Variants in LTBP1 observed in about 807,000 individuals in gnomAD.
LTBP1 encodes the protein latent transforming growth factor beta binding protein 1, also known as latent-transforming growth factor beta-binding protein 1.
Under a neutral mutation model 207.6 loss-of-function variants are expected in LTBP1, and 129 were observed. The observed-to-expected ratio is 0.62, with a 90% confidence interval of 0.54 to 0.72. The LOEUF is 0.72. Ranked by LOEUF, LTBP1 falls within the 30% of genes least tolerant of loss-of-function variation. The probability of loss-of-function intolerance (pLI) is 0.00; values close to 1 mark genes in which losing one functional copy is unlikely to be tolerated. For missense variants in LTBP1, 2,281 were observed against 2,217.2 expected (o/e 1.03, Z -0.58); for synonymous variants, 963 against 833.7 (o/e 1.16, Z -2.67).
chr2:33,184,210 G>A (rs1482208170), intron 5 of LTBP1, among the ~76,000 whole-genome samples: 1 of 152,040 alleles, frequency 6.6e-6, no homozygotes. Context: ...TGCCATCACT[G>A]GAGTAATCTT....
At chr2:33,309,280 C>CAAA (rs200196283) in intron 22 of LTBP1, among the ~76,000 whole-genome samples, 154 bp from the exon 23 acceptor site, 1 of 69,482 alleles carries the variant, frequency 1.4e-5, no homozygotes. Context: ...GACTCCGTCT[C>CAAA]AAAAAAAAAA....
chr2:33,277,813 T>TCTCTCTCTCTCTCTCTCTCTC (rs1558933843), intron 18 of LTBP1, among the ~76,000 whole-genome samples: 24 of 71,690 alleles, frequency 3.3e-4, no homozygotes, highest in Admixed American at 7.7e-4. Flanking sequence ...CTCTTTCTTT[T>TCTCTCTCTCTCTCTCTCTCTC]TTTCTTTCTT....
At chr2:33,017,321 G>C (rs1288763061) in intron 2 of LTBP1, among the ~76,000 whole-genome samples, 2 of 152,224 alleles carry the variant, frequency 1.3e-5, no homozygotes, top group Admixed American at 1.3e-4. Flanking sequence ...GAAACTTGCT[G>C]CTGGAAGACC....
At chr2:33,121,159 C>CTTTTTTTT (rs61065486) in intron 4 of LTBP1, among the ~76,000 whole-genome samples, 325 of 87,528 alleles carry the variant, frequency 3.7e-3, no homozygotes, top group Middle Eastern at 0.012. Flanking sequence ...TTTGTAAAGT[C>CTTTTTTTT]TTTTTTTTTT....
intron 23 of LTBP1, among the ~76,000 whole-genome samples, chr2:33,310,696 A>G (rs1429422450): frequency 6.6e-6 from 1 of 152,186 alleles, no homozygotes. Context: ...AAATTAAGTG[A>G]TTTCTCTCAC....
chr2:32,974,378 T>C (rs536249650), intron 2 of LTBP1, among the ~76,000 whole-genome samples: 6 of 152,356 alleles, frequency 3.9e-5, no homozygotes, highest in African/African-American at 1.4e-4. Flanking sequence ...GGAATTTGTA[T>C]GTCTTCTTTT....
At chr2:33,304,350 T>G (rs1355132245) in intron 22 of LTBP1, among the ~76,000 whole-genome samples, 3 of 152,226 alleles carry the variant, frequency 2.0e-5, no homozygotes, top group Non-Finnish European at 4.4e-5. Flanking sequence ...CATAATTAAC[T>G]AAACCGTGAC....
intron 2 of LTBP1, among the ~76,000 whole-genome samples, chr2:33,016,001 C>T (rs952254616): frequency 1.3e-5 from 2 of 152,170 alleles, no homozygotes; most frequent in Non-Finnish European, 2.9e-5. Context: ...CAGGCCCCAC[C>T]TCCAACTCTG....
chr2:33,292,352 G>T (rs1041251979), intron 19 of LTBP1, among the ~76,000 whole-genome samples: 1 of 152,170 alleles, frequency 6.6e-6, no homozygotes, highest in African/African-American at 2.4e-5. Flanking sequence ...GCCTGTGACA[G>T]AAACTTACAG....
intron 32 of LTBP1, among the ~76,000 whole-genome samples, chr2:33,391,965 C>T (rs1382110521): frequency 6.6e-6 from 1 of 152,188 alleles, no homozygotes. Flanking sequence ...TTTCCCCCTT[C>T]CCAGCCAGTT....
chr2:33,264,575 A>C (rs562605779), intron 15 of LTBP1, among the ~76,000 whole-genome samples: 1 of 152,344 alleles, frequency 6.6e-6, no homozygotes, highest in Admixed American at 6.5e-5. Context: ...AAATGGAAAA[A>C]TAATATAATC....
intron 8 of LTBP1, 67 bp from the exon 9 acceptor site, chr2:33,222,013 A>G: frequency 1.8e-6 from 2 of 1,136,780 alleles, no homozygotes; most frequent in Non-Finnish European, 1.3e-6. Flanking sequence ...ATGGCTTCAG[A>G]TATCACTTAC....
chr2:33,374,673 G>A (rs559024682), intron 31 of LTBP1, among the ~76,000 whole-genome samples: 1 of 152,292 alleles, frequency 6.6e-6, no homozygotes, highest in African/African-American at 2.4e-5. Flanking sequence ...AAGGACTCTT[G>A]GCCCGGCACA....
chr2:33,226,975 T>C (rs1380246627), intron 9 of LTBP1, among the ~76,000 whole-genome samples: 1 of 152,224 alleles, frequency 6.6e-6, no homozygotes, highest in Non-Finnish European at 1.5e-5. Flanking sequence ...CTTTCCCTTT[T>C]CTTAGAATTC....
intron 3 of LTBP1, among the ~76,000 whole-genome samples, chr2:33,036,902 T>C (rs2075954300): frequency 6.6e-6 from 1 of 152,240 alleles, no homozygotes; most frequent in African/African-American, 2.4e-5. Context: ...CACACACTGC[T>C]ATGTAAAATG....
At chr2:33,045,399 A>G (rs1160583649) in intron 3 of LTBP1, among the ~76,000 whole-genome samples, 1 of 151,950 alleles carries the variant, frequency 6.6e-6, no homozygotes, top group Non-Finnish European at 1.5e-5. Context: ...TTTTTGTCAG[A>G]TTTGTCAAAG....
chr2:33,359,847 C>T (rs2094906945), intron 26 of LTBP1, among the ~76,000 whole-genome samples: 1 of 152,108 alleles, frequency 6.6e-6, no homozygotes, highest in Non-Finnish European at 1.5e-5. Context: ...TCATTATTAT[C>T]TGAAAGTGGG....
intron 24 of LTBP1, among the ~76,000 whole-genome samples, chr2:33,324,862 C>T (rs567798202): frequency 2.6e-5 from 4 of 151,924 alleles, no homozygotes; most frequent in South Asian, 2.1e-4. Flanking sequence ...CCACCACACC[C>T]GACTAATTTT....
At chr2:32,982,703 G>A (rs1474735363) in intron 2 of LTBP1, among the ~76,000 whole-genome samples, 1 of 152,210 alleles carries the variant, frequency 6.6e-6, no homozygotes, top group East Asian at 1.9e-4. Flanking sequence ...TCAAGATACA[G>A]CTCGGGCCGT....
Sources: gnomAD v4.1 joint callset for allele counts (sites outside exome capture counted in the v4.1 genomes callset) on GRCh38, gnomAD v4.1.1 for gene constraint, MANE v1.5 for transcripts, NCBI Gene and HGNC (gene_info 2026-07-23, HGNC 2026-07-21) for gene names.